The following RYR3 variants were observed in gnomAD, a reference collection of about 807,000 sequenced individuals.
The protein encoded by RYR3 is brain ryanodine receptor-calcium release channel.
In RYR3, 207 loss-of-function variants were observed where a neutral mutation model predicts 584.3. That is an observed-to-expected ratio of 0.35 (90% CI 0.32 to 0.40). The LOEUF is 0.40. Among genes scored for constraint, RYR3 ranks in the 10% least tolerant of loss-of-function variants. RYR3 has a pLI of 1.00. For missense variants in RYR3, 5,616 were observed against 6,089.2 expected (o/e 0.92, Z 2.59); for synonymous variants, 2,416 against 2,248.5 (o/e 1.07, Z -2.11).
At position 33,841,864 on chromosome 15, in the gene RYR3, C is replaced by A; in HGVS notation, c.13038C>A (p.Asp4346Glu). Residue 4346 changes from aspartate (D) to glutamate (E), a missense_variant and splice_region_variant, in exon 91 of 104, where the codon GAC becomes GAA. Around this residue, in one of 9 missense-constraint regions of RYR3, gnomAD observed 918 missense variants for 887.4 expected, o/e 1.03. Coordinates refer to ENST00000634891, the MANE Select transcript of RYR3 (RefSeq NM_001036.6). Reference protein sequence around the residue: ...AEGKVESEKADMEDGEKEDKD... With the variant: ...AEGKVESEKAEMEDGEKEDKD... ...CTGAGTGGGTTTCCCATTTCTGCAG[C>A]ATGGAAGATGGAGAGAAGGAAGACA... The A allele has an allele frequency of 6.3e-7, 1 of 1,590,232 alleles. No homozygotes were observed. The highest frequency in any genetic ancestry group is 8.6e-7 in the Non-Finnish European group (1 of 1,168,348).
chr15:33,794,132 T>TATAA (rs1567184511), intron 67 of RYR3, among the ~76,000 whole-genome samples: 4 of 111,158 alleles, frequency 3.6e-5, no homozygotes, highest in South Asian at 6.5e-4. Context: ...TATATATTTA[T>TATAA]ATATAATATA....
In RYR3 at chr15:33,660,238, G is replaced by C. The variant is rs2152702893; in HGVS notation, c.4437G>C (p.Glu1479Asp). Residue 1479 changes from glutamate (E) to aspartate (D), a missense_variant, in exon 34 of 104, where the codon GAG becomes GAC. Glu to Asp is a conservative substitution (Grantham distance 45, BLOSUM62 2). Transcript: ENST00000634891. ...CAGCGGCCATATTCAGGAGTGAAGA[G>C]AAGAACCCAGTCCCACAGTGTCCAC... ...PLSAAIFRSE[E>D]KNPVPQCPPR... 2 of 1,553,536 alleles carry C rather than the reference G, an allele frequency of 1.3e-6. No individual in the cohort carries two copies. Among genetic ancestry groups the C allele is most frequent in the South Asian group, 2.4e-5 (2 of 84,104 alleles).
intron 89 of RYR3, 28 bp downstream of exon 89, chr15:33,838,986 C>T: frequency 6.3e-7 from 1 of 1,581,500 alleles, no homozygotes; most frequent in South Asian, 1.2e-5. Context: ...CTTTCATCTT[C>T]CTTTATCCCC....
chr15:33,433,286 G>C (rs181312674), intron 1 of RYR3, among the ~76,000 whole-genome samples: 225 of 152,254 alleles, frequency 1.5e-3, no homozygotes, highest in African/African-American at 4.9e-3. Context: ...ATCTTTGTTT[G>C]ATTTGGCTTT....
At chr15:33,675,317 T>C (rs1353752610) in intron 38 of RYR3, among the ~76,000 whole-genome samples, 1 of 152,216 alleles carries the variant, frequency 6.6e-6, no homozygotes, top group East Asian at 1.9e-4. Context: ...TATTTTACAA[T>C]TGAAACTGAA....
Position 33,603,303 on chromosome 15 carries a change from A to G in RYR3, c.2103A>G (p.Gly701=). ...APYPGGGEGW[G]GNGVGDDLYS... ...ACCCAGGAGGTGGAGAAGGATGGGG[A>G]GGCAATGGTGTTGGTGACGACCTGT... The change falls in exon 18 of 104, where the codon GGA becomes GGG. Residue 701 remains glycine, a synonymous_variant. Coordinates refer to ENST00000634891, the MANE Select transcript of RYR3 (RefSeq NM_001036.6). 2 of 1,613,556 alleles carry G rather than the reference A, an allele frequency of 1.2e-6. No individual in the cohort carries two copies. The highest frequency in any genetic ancestry group is 1.7e-6 in the Non-Finnish European group (2 of 1,179,666).
chr15:33,530,540 C>T lies in RYR3; in HGVS notation c.280-52C>T, dbSNP rs990817263. 41 of 1,280,862 alleles carry T rather than the reference C, an allele frequency of 3.2e-5. No homozygotes were observed. In the African/African-American group the frequency reaches 4.1e-4, roughly 13 times the overall value. 79.3% of individuals were successfully genotyped at this position (1,280,862 alleles called of 1,614,324 possible). A position where few individuals can be genotyped will look rare whatever the true frequency, so the allele number is the denominator to read the frequency against. On this transcript the variant is annotated intron_variant, in intron 3 of 103. Coordinates refer to ENST00000634891, the MANE Select transcript of RYR3 (RefSeq NM_001036.6). ...CAGAATTATTGTGTTGCTTGGCTCC[C>T]GGAGAAGCCACAACGGGCATGTGCT...
At position 33,662,785 on chromosome 15, in the gene RYR3, C is replaced by T. The variant is rs1481567615; in HGVS notation, c.5255C>T (p.Pro1752Leu). ...CGGCAGATCCTCCTCCTGATTGATC[C>T]CTCTGTGTTTGGGGAGCATAGTGCG... The part of the protein sequence containing the change: ...DVRQILLLID[P>L]SVFGEHSAGT... The change falls in exon 35 of 104, where the codon CCC becomes CTC. Residue 1752 changes from proline (P) to leucine (L), a missense_variant. Pro to Leu is a moderately conservative substitution (Grantham distance 98). Transcript: ENST00000634891. The T allele has an allele frequency of 3.1e-6, 5 of 1,613,984 alleles. No individual in the cohort carries two copies. Among genetic ancestry groups the T allele is most frequent in the Non-Finnish European group, 4.2e-6 (5 of 1,179,922 alleles).
intron 1 of RYR3, among the ~76,000 whole-genome samples, chr15:33,312,541 T>C (rs1195129282): frequency 1.3e-5 from 2 of 152,172 alleles, no homozygotes; most frequent in African/African-American, 2.4e-5. Flanking sequence ...CCTATTGTTA[T>C]AAAGCTGCCT....
intron 12 of RYR3, among the ~76,000 whole-genome samples, chr15:33,576,187 G>C (rs753111806): frequency 6.6e-6 from 1 of 152,058 alleles, no homozygotes; most frequent in Non-Finnish European, 1.5e-5. Context: ...AATTCTACCA[G>C]GTACGAAGAG....
intron 16 of RYR3, among the ~76,000 whole-genome samples, chr15:33,600,971 A>G (rs2059630226): frequency 6.6e-6 from 1 of 152,148 alleles, no homozygotes; most frequent in Admixed American, 6.6e-5. Context: ...TTTGAAGTCC[A>G]CAGAGGGTCT....
chr15:33,767,473 G>C (rs1467542308), intron 60 of RYR3, among the ~76,000 whole-genome samples: 1 of 152,194 alleles, frequency 6.6e-6, no homozygotes, highest in African/African-American at 2.4e-5. Flanking sequence ...CTAGCCATGG[G>C]AACTTTTGTT....
intron 1 of RYR3, among the ~76,000 whole-genome samples, chr15:33,449,326 G>A (rs951809216): frequency 8.5e-5 from 13 of 152,270 alleles, no homozygotes; most frequent in Non-Finnish European, 1.2e-4. Flanking sequence ...GACCCCCTCC[G>A]TAAGGCAGTG....
At chr15:33,687,002 G>A (rs570408948) in intron 38 of RYR3, among the ~76,000 whole-genome samples, 13 of 152,190 alleles carry the variant, frequency 8.5e-5, no homozygotes, top group Admixed American at 5.2e-4. Context: ...TTTGAAAATC[G>A]GCACAAGACA....
At position 33,853,084 on chromosome 15, in the gene RYR3, A is replaced by AAAGGT. The variant is rs780109992; in HGVS notation, c.13670_13671+3dup. 61 of 1,598,310 alleles carry AAAGGT rather than the reference A, an allele frequency of 3.8e-5. No individual in the cohort carries two copies. Among genetic ancestry groups the AAAGGT allele is most frequent in the Non-Finnish European group, 5.1e-5 (60 of 1,174,296 alleles). On this transcript the variant is annotated frameshift_variant, in exon 95 of 104. Coordinates refer to ENST00000634891, the MANE Select transcript of RYR3 (RefSeq NM_001036.6). LOFTEE classifies it high-confidence loss of function. ...ACTACTGGGACAAGTTTGTAAAGAG[A>AAAGGT]AAGGTATGCCTTGTTAGTGGGGGTG... is the stretch of plus-strand genomic sequence containing the variant.
chr15:33,377,599 G>A (rs574603915), intron 1 of RYR3, among the ~76,000 whole-genome samples: 36 of 152,250 alleles, frequency 2.4e-4, no homozygotes, highest in Non-Finnish European at 3.4e-4. Context: ...AGTGTTAAAC[G>A]CATGAGCTCT....
At chr15:33,587,630 A>G (rs772844886) in intron 16 of RYR3, among the ~76,000 whole-genome samples, 56 of 152,174 alleles carry the variant, frequency 3.7e-4, no homozygotes, top group Non-Finnish European at 6.9e-4. Context: ...TAGAACCAAG[A>G]CATTGTTAGA....
intron 3 of RYR3, among the ~76,000 whole-genome samples, chr15:33,505,489 T>C (rs1190816371): frequency 2.0e-5 from 3 of 152,136 alleles, no homozygotes; most frequent in East Asian, 3.9e-4. Flanking sequence ...ACTTCCAGTT[T>C]AGGGAAACTT....
chr15:33,834,676 T>A (rs961174909), intron 86 of RYR3, among the ~76,000 whole-genome samples: 1 of 152,186 alleles, frequency 6.6e-6, no homozygotes, highest in African/African-American at 2.4e-5. Context: ...ATTTCACTGT[T>A]TTAAATATTG....
Sources: gnomAD v4.1 joint callset for allele counts (sites outside exome capture counted in the v4.1 genomes callset) on GRCh38, gnomAD v4.1.1 for gene constraint, gnomAD v4.1.1 regional missense constraint, MANE v1.5 for transcripts, NCBI Gene and HGNC (gene_info 2026-07-23, HGNC 2026-07-21) for gene names.